The following MTUS2 variants were observed in gnomAD, a reference collection of about 807,000 sequenced individuals.
The protein encoded by MTUS2 is microtubule associated scaffold protein 2.
Under a neutral mutation model 114.1 loss-of-function variants are expected in MTUS2, and 40 were observed. The observed-to-expected ratio is 0.35, with a 90% CI of 0.27 to 0.46. The LOEUF (loss-of-function observed/expected upper bound fraction) is 0.46, where lower values mean the gene tolerates loss of function less well. MTUS2 is among the 20% of genes least tolerant of loss of function. The probability of loss-of-function intolerance (pLI) is 1.00; values close to 1 mark genes in which losing one functional copy is unlikely to be tolerated. For missense variants in MTUS2, 1,679 were observed against 1,705.4 expected (o/e 0.98, Z 0.27); for synonymous variants, 688 against 672.0 (o/e 1.02, Z -0.37).
At chr13:29,266,579 ATTG>A (rs1167157967) in intron 5 of MTUS2, among the ~76,000 whole-genome samples, 1 of 152,182 alleles carries the variant, frequency 6.6e-6, no homozygotes, top group Admixed American at 6.5e-5. Context: ...CTTCCTGCAT[ATTG>A]TTTTCAAAAA....
chr13:29,416,478 T>C (rs1433367155), intron 8 of MTUS2, among the ~76,000 whole-genome samples: 1 of 151,122 alleles, frequency 6.6e-6, no homozygotes, highest in Non-Finnish European at 1.5e-5. Context: ...ATATTATGTA[T>C]AGCATATATA....
At chr13:29,077,981 G>T (rs2146138) in intron 4 of MTUS2, among the ~76,000 whole-genome samples, 2,741 of 152,120 alleles carry the variant, frequency 0.018, 78 homozygotes, top group African/African-American at 0.061. Flanking sequence ...AGAATATCTG[G>T]TTTTTTCAAA....
chr13:29,419,178 T>A (rs182404450), intron 8 of MTUS2, among the ~76,000 whole-genome samples: 1 of 152,308 alleles, frequency 6.6e-6, no homozygotes, highest in Non-Finnish European at 1.5e-5. Flanking sequence ...ATGCCCCTCC[T>A]CATGGGTCAT....
chr13:29,475,503 T>C (rs1880632186), intron 9 of MTUS2, among the ~76,000 whole-genome samples: 1 of 152,196 alleles, frequency 6.6e-6, no homozygotes, highest in Non-Finnish European at 1.5e-5. Flanking sequence ...TCCTAGGAGA[T>C]GACAGCTCCA....
At chr13:29,424,570 C>A (rs1472774225) in intron 8 of MTUS2, among the ~76,000 whole-genome samples, 1 of 152,162 alleles carries the variant, frequency 6.6e-6, no homozygotes, top group Non-Finnish European at 1.5e-5. Context: ...ACATCCTGAT[C>A]CACTCTAGCT....
intron 4 of MTUS2, among the ~76,000 whole-genome samples, chr13:29,050,126 C>T (rs1045257640): frequency 2.6e-5 from 4 of 152,186 alleles, no homozygotes; most frequent in Admixed American, 2.6e-4. Flanking sequence ...TACCTACACA[C>T]AACTGCTAGG....
At chr13:28,987,129 C>T (rs112993092) in intron 2 of MTUS2, among the ~76,000 whole-genome samples, 21 of 152,212 alleles carry the variant, frequency 1.4e-4, no homozygotes, top group African/African-American at 4.8e-4. Context: ...AGCTGGACCC[C>T]TCGGACTCTC....
chr13:29,394,680 T>G (rs7327583), intron 8 of MTUS2, among the ~76,000 whole-genome samples: 8 of 152,166 alleles, frequency 5.3e-5, no homozygotes, highest in Non-Finnish European at 1.0e-4. Flanking sequence ...GTACCCATCC[T>G]GGTTCTGTGG....
intron 2 of MTUS2, among the ~76,000 whole-genome samples, chr13:28,926,930 G>A (rs1042723660): frequency 2.6e-5 from 4 of 152,168 alleles, no homozygotes; most frequent in Non-Finnish European, 5.9e-5. Flanking sequence ...TTATTTTGAT[G>A]TGTGTTTGTT....
chr13:29,163,924 C>A (rs1430372873), intron 5 of MTUS2, among the ~76,000 whole-genome samples: 3 of 152,116 alleles, frequency 2.0e-5, no homozygotes, highest in Non-Finnish European at 4.4e-5. Flanking sequence ...AGGGTGCGGA[C>A]CCCTTTGCTT....
chr13:29,434,669 T>C (rs951594642), intron 8 of MTUS2, among the ~76,000 whole-genome samples: 17 of 152,188 alleles, frequency 1.1e-4, no homozygotes, highest in Non-Finnish European at 1.9e-4. Flanking sequence ...ACACGGATGA[T>C]GCTAACAAGG....
chr13:29,061,499 A>G (rs1229711582), intron 4 of MTUS2, among the ~76,000 whole-genome samples: 1 of 152,158 alleles, frequency 6.6e-6, no homozygotes, highest in African/African-American at 2.4e-5. Flanking sequence ...TATTCATCCA[A>G]AGGGTTAATG....
chr13:28,894,289 G>GGGA (rs1566203550), intron 2 of MTUS2, among the ~76,000 whole-genome samples: 4 of 11,810 alleles, frequency 3.4e-4, no homozygotes, highest in East Asian at 1.0e-3. Context: ...TGGGGGGGGG[G>GGGA]GAGAGAGAGA....
rs143148774 is a variant in MTUS2, at chr13:28,872,925, C to G, written c.-243+33075C>G. On this transcript the variant is annotated intron_variant, in intron 2 of 15. Transcript: ENST00000612955. ...AATCTGATGAAAGATATGATAGATT[C>G]AGGAAAATTACAAACCTCAAATACA... Among the ~76,000 whole-genome samples the G allele has an allele frequency of 3.4e-3, 518 of 152,164 alleles. 3 individuals carry two copies. Among genetic ancestry groups the G allele is most frequent in the African/African-American group, 0.012 (485 of 41,506 alleles).
intron 4 of MTUS2, among the ~76,000 whole-genome samples, chr13:29,037,889 G>T (rs990838509): frequency 6.6e-6 from 1 of 152,152 alleles, no homozygotes; most frequent in Non-Finnish European, 1.5e-5. Context: ...CTCTAGACTG[G>T]TTATTCTAGT....
intron 5 of MTUS2, among the ~76,000 whole-genome samples, chr13:29,133,030 G>GTT (rs1183245494): frequency 1.4e-5 from 2 of 145,586 alleles, no homozygotes; most frequent in South Asian, 2.2e-4. Context: ...GTTATTTTGT[G>GTT]TTTTTTTTTT....
intron 2 of MTUS2, among the ~76,000 whole-genome samples, chr13:28,942,289 C>T (rs553510189): frequency 6.6e-6 from 1 of 152,132 alleles, no homozygotes; most frequent in African/African-American, 2.4e-5. Flanking sequence ...TACCAGCACC[C>T]TGCCACTCCC....
At chr13:29,350,960 C>CATAT (rs56192034) in intron 7 of MTUS2, among the ~76,000 whole-genome samples, 2,293 of 128,566 alleles carry the variant, frequency 0.018, 81 homozygotes, top group East Asian at 0.021. Flanking sequence ...ATATATATTT[C>CATAT]ATATATATAT....
At chr13:29,366,914 G>T (rs1870770245) in intron 8 of MTUS2, among the ~76,000 whole-genome samples, 1 of 152,072 alleles carries the variant, frequency 6.6e-6, no homozygotes, top group South Asian at 2.1e-4. Flanking sequence ...CTCATCTCCT[G>T]TAGCAGTTTG....
Sources: gnomAD v4.1 joint callset for allele counts (sites outside exome capture counted in the v4.1 genomes callset) on GRCh38, gnomAD v4.1.1 for gene constraint, MANE v1.5 for transcripts, NCBI Gene and HGNC (gene_info 2026-07-23, HGNC 2026-07-21) for gene names.